The following CNNM1 variants were observed in gnomAD, a reference collection of about 807,000 sequenced individuals.
CNNM1 encodes the protein cyclin and CBS domain divalent metal cation transport mediator 1, also known as metal transporter CNNM1.
CNNM1 carries 44 observed loss-of-function variants against 78.8 expected under a neutral mutation model. The observed-to-expected ratio is 0.56, with a 90% CI of 0.44 to 0.72. The LOEUF (loss-of-function observed/expected upper bound fraction) is 0.72, where lower values mean the gene tolerates loss of function less well. Ranked by LOEUF, CNNM1 falls within the 30% of genes least tolerant of loss-of-function variation. The pLI is 0.00. For missense variants in CNNM1, 1,101 were observed against 1,292.2 expected, an observed-to-expected ratio of 0.85 and a Z score of 2.27; for synonymous variants, 584 against 581.5, an observed-to-expected ratio of 1.00 and a Z score of -0.06.
intron 9 of CNNM1, 145 bp from the exon 10 acceptor site, chr10:99,390,161 G>A (rs1163232281): frequency 3.4e-6 from 2 of 587,704 alleles, no homozygotes; most frequent in African/African-American, 1.9e-5. Flanking sequence ...ACTTCCCTGG[G>A]CGTCCCTGCC....
chr10:99,357,462 A>C, intron 1 of CNNM1, 50 bp from the exon 2 acceptor site: 1 of 1,565,378 alleles, frequency 6.4e-7, no homozygotes, highest in East Asian at 2.3e-5. Context: ...ACAAAAAAAG[A>C]TCTCTGAAAA....
intron 1 of CNNM1, among the ~76,000 whole-genome samples, chr10:99,341,070 A>G (rs1303968479): frequency 3.9e-5 from 6 of 152,202 alleles, no homozygotes; most frequent in Admixed American, 2.0e-4. Flanking sequence ...AAGAAAAAGT[A>G]TAGGGAGCTC....
rs2134069599 is a variant in CNNM1, at chr10:99,377,212, T to A, written c.2334T>A (p.Phe778Leu). 6.2e-7 allele frequency: 1 copy of A among 1,613,516 alleles called. No individual in the cohort carries two copies. The highest frequency in any genetic ancestry group is 2.2e-5 in the East Asian group (1 of 44,872). Residue 778 changes from phenylalanine (F) to leucine (L), a missense_variant, in exon 7 of 11, where the codon TTT (phenylalanine) becomes TTA (leucine). Transcript: ENST00000356713. ...TCCACATCCTCAGCGATGTGCAGTTTGTGAAGGTAACTCCCCCAGGAAGGT... is the reference window on the plus strand; with the variant it reads ...TCCACATCCTCAGCGATGTGCAGTTAGTGAAGGTAACTCCCCCAGGAAGGT... ...YSVHILSDVQ[F>L]VKITRQQYQN...
chr10:99,333,663 A>G (rs2030034739), intron 1 of CNNM1, among the ~76,000 whole-genome samples: 1 of 152,094 alleles, frequency 6.6e-6, no homozygotes, highest in African/African-American at 2.4e-5. Context: ...TATTTTTTAA[A>G]CATCTATACA....
rs2030748236 is a variant in CNNM1 at position 99,347,549 on chromosome 10, A to G, written c.1574-9963A>G. Among the ~76,000 whole-genome samples the G allele has an allele frequency of 7.3e-5, 6 of 82,232 alleles. 2 individuals carry two copies. The South Asian group carries it at 2.9e-3, about 40-fold the overall frequency. The allele number at this position is 82,232 out of a possible 152,430, so 53.9% of individuals were successfully genotyped here. ...AACAAAACAAAACAAAAACAAAAAC[A>G]TAAGTCAGATCATGTCACCTTTTTG... On this transcript the variant is annotated intron_variant, in intron 1 of 10. Coordinates refer to ENST00000356713, the MANE Select transcript of CNNM1 (RefSeq NM_020348.3).
At chr10:99,345,011 A>C (rs1468527645) in intron 1 of CNNM1, among the ~76,000 whole-genome samples, 1 of 152,154 alleles carries the variant, frequency 6.6e-6, no homozygotes, top group Admixed American at 6.6e-5. Flanking sequence ...TTTGGCCTGG[A>C]ATGTGGAGTC....
chr10:99,376,127 C>G (rs1395795712), intron 6 of CNNM1, among the ~76,000 whole-genome samples: 3 of 152,204 alleles, frequency 2.0e-5, no homozygotes, highest in Non-Finnish European at 4.4e-5. Context: ...ACACTTTGGC[C>G]CTTCTCAGTC....
chr10:99,361,245 C>G (rs2031423675), intron 3 of CNNM1, among the ~76,000 whole-genome samples: 1 of 152,186 alleles, frequency 6.6e-6, no homozygotes, highest in African/African-American at 2.4e-5. Context: ...TGCACTTTTC[C>G]CTCTTCTACT....
chr10:99,381,531 C>G (rs1373849983), intron 7 of CNNM1, among the ~76,000 whole-genome samples: 1 of 152,030 alleles, frequency 6.6e-6, no homozygotes, highest in Admixed American at 6.6e-5. Context: ...CACTTGAGGT[C>G]AGGAGTTCAA....
chr10:99,329,687 C>T lies in CNNM1; in HGVS notation c.300C>T (p.Gly100=). The T allele has an allele frequency of 1.3e-6, 2 of 1,552,934 alleles. No homozygotes were observed. The highest frequency in any genetic ancestry group is 1.7e-6 in the Non-Finnish European group (2 of 1,160,604). Residue 100 remains glycine (G), a synonymous_variant, in exon 1 of 11, where the codon GGC becomes GGT. Coordinates refer to ENST00000356713, the MANE Select transcript of CNNM1 (RefSeq NM_020348.3). ...TCAACTCGGGGGAGAATGGCACCGG[C>T]GACTGGGCTCCGCGGCTCGTGTTCA... ...PTLNSGENGT[G]DWAPRLVFIE...
chr10:99,365,256 G>A, intron 6 of CNNM1: 1 of 594,712 alleles, frequency 1.7e-6, no homozygotes, highest in Non-Finnish European at 3.0e-6. Flanking sequence ...GGGTTGTGAG[G>A]GAAGGCACTG....
At chr10:99,387,769 C>A in intron 7 of CNNM1, 51 bp from the exon 8 acceptor site, 1 of 1,504,870 alleles carries the variant, frequency 6.6e-7, no homozygotes, top group Non-Finnish European at 8.9e-7. Context: ...CTGGCTGCAT[C>A]CGGGTGGTCT....
intron 6 of CNNM1, among the ~76,000 whole-genome samples, chr10:99,365,554 G>A (rs750620292): frequency 2.8e-4 from 42 of 152,330 alleles, no homozygotes; most frequent in Non-Finnish European, 4.7e-4. Context: ...TGTTGGTGGG[G>A]GGCAGGCACA....
chr10:99,343,078 G>C (rs1179188278), intron 1 of CNNM1, among the ~76,000 whole-genome samples: 1 of 151,878 alleles, frequency 6.6e-6, no homozygotes, highest in Non-Finnish European at 1.5e-5. Flanking sequence ...CAATTCTCCT[G>C]CCTCAGCCTA....
At chr10:99,356,136 G>A (rs2031134456) in intron 1 of CNNM1, among the ~76,000 whole-genome samples, 1 of 152,176 alleles carries the variant, frequency 6.6e-6, no homozygotes, top group African/African-American at 2.4e-5. Context: ...CACAGTGTCT[G>A]GGGCCACAGC....
chr10:99,364,360 G>A, intron 4 of CNNM1, 57 bp from the exon 5 acceptor site: 3 of 1,317,634 alleles, frequency 2.3e-6, no homozygotes, highest in Non-Finnish European at 3.2e-6. Flanking sequence ...CGAGTCAATA[G>A]TAGAACTGGA....
In CNNM1 at chr10:99,329,708, G is replaced by A. The variant is rs1483870959; in HGVS notation, c.321G>A (p.Val107=). Residue 107 remains valine, a synonymous_variant, in exon 1 of 11, where the codon GTG becomes GTA. Coordinates refer to ENST00000356713, the MANE Select transcript of CNNM1 (RefSeq NM_020348.3). ...NGTGDWAPRL[V]FIEEPPGGGG... is the part of the protein sequence containing the mutation. ...CCGGCGACTGGGCTCCGCGGCTCGT[G>A]TTCATCGAGGAGCCCCCGGGCGGTG... The A allele has an allele frequency of 6.5e-7, 1 of 1,539,766 alleles. No homozygotes were observed. The highest frequency in any genetic ancestry group is 8.7e-7 in the Non-Finnish European group (1 of 1,154,548).
chr10:99,377,362 A>G, intron 7 of CNNM1, 144 bp downstream of exon 7: 7 of 747,430 alleles, frequency 9.4e-6, no homozygotes, highest in Non-Finnish European at 1.3e-5. Flanking sequence ...GGTAACTGCT[A>G]CTGGCTGTAT....
intron 7 of CNNM1, among the ~76,000 whole-genome samples, chr10:99,384,350 T>A (rs544509908): frequency 2.8e-4 from 42 of 150,718 alleles, no homozygotes; most frequent in African/African-American, 4.5e-4. Context: ...TAAAAAAAAA[T>A]TTTTTTTAAA....
Sources: gnomAD v4.1 joint callset for allele counts (sites outside exome capture counted in the v4.1 genomes callset) on GRCh38, gnomAD v4.1.1 for gene constraint, MANE v1.5 for transcripts, NCBI Gene and HGNC (gene_info 2026-07-23, HGNC 2026-07-21) for gene names.